Variants in BRCA2 observed in about 807,000 individuals in gnomAD.
BRCA2 encodes breast cancer type 2 susceptibility protein.
Under a neutral mutation model 276.7 loss-of-function variants are expected in BRCA2, and 203 were observed. The ratio of observed to expected loss-of-function variants is 0.73; its 90% CI spans 0.65 to 0.82. The LOEUF is 0.82. Among genes scored for constraint, BRCA2 ranks in the 40% least tolerant of loss-of-function variants. The pLI is 0.00. For synonymous variants in BRCA2, 1,289 were observed against 1,338.4 expected (o/e 0.96, Z 0.81); for missense variants, 3,920 against 3,915.0 (o/e 1.00, Z -0.03).
intron 14 of BRCA2, among the ~76,000 whole-genome samples, chr13:32,355,493 A>T (rs746081176): frequency 6.6e-6 from 1 of 152,212 alleles, no homozygotes; most frequent in Non-Finnish European, 1.5e-5. Context: ...TGTTAAAAAA[A>T]ATTAGACACA....
chr13:32,366,589 A>G (rs2072784000), intron 18 of BRCA2, among the ~76,000 whole-genome samples: 1 of 152,168 alleles, frequency 6.6e-6, no homozygotes, highest in South Asian at 2.1e-4. Context: ...TGAGAGGCCA[A>G]GGTGAATGGA....
chr13:32,386,100 A>AG (rs2072958238), intron 24 of BRCA2: 2 of 178,990 alleles, frequency 1.1e-5, no homozygotes, highest in South Asian at 2.7e-4. Context: ...TCTGTGGGAC[A>AG]GGGTCCTTAG....
chr13:32,377,026 G>C (rs2072878625), intron 21 of BRCA2, among the ~76,000 whole-genome samples: 1 of 152,078 alleles, frequency 6.6e-6, no homozygotes, highest in African/African-American at 2.4e-5. Flanking sequence ...AATTAAATTT[G>C]GTTTAAAATG....
chr13:32,380,220 G>A, intron 24 of BRCA2, 75 bp downstream of exon 24: 1 of 1,484,616 alleles, frequency 6.7e-7, no homozygotes, highest in Non-Finnish European at 9.1e-7. Flanking sequence ...CTTATGATTA[G>A]TTGGAGCTAC....
intron 3 of BRCA2, among the ~76,000 whole-genome samples, chr13:32,323,192 G>A (rs890392628): frequency 2.8e-5 from 4 of 141,840 alleles, no homozygotes; most frequent in South Asian, 2.2e-4. Context: ...TCGCTTTGTC[G>A]CCCAGGCTGG....
chr13:32,346,504 G>C (rs1462986440), intron 12 of BRCA2, among the ~76,000 whole-genome samples: 4 of 152,002 alleles, frequency 2.6e-5, no homozygotes, highest in Non-Finnish European at 5.9e-5. Context: ...CTAAAGCTTA[G>C]CTTTTAAACC....
rs751576331 is a variant in BRCA2, at chr13:32,356,433, A to G, written c.7441A>G (p.Ile2481Val). ...AAGTATTTATTCTTTGATAGATTTA[A>G]TTACAAGTCTTCAGAATGCCAGAGA... ...TKCEEEPLDL[I>V]TSLQNARDIQ... is the part of the protein sequence containing the mutation. The change falls in exon 15 of 27, where the codon ATT becomes GTT. Residue 2481 changes from isoleucine to valine, a missense_variant. By Grantham distance (29) the Ile-to-Val change is conservative. Coordinates refer to ENST00000380152, the MANE Select transcript of BRCA2 (RefSeq NM_000059.4). 1 of 1,613,176 alleles carries G rather than the reference A, an allele frequency of 6.2e-7. No homozygotes were observed. Among genetic ancestry groups the G allele is most frequent in the South Asian group, 1.1e-5 (1 of 91,070 alleles).
rs778282885 is a variant in BRCA2 at position 32,338,661 on chromosome 13, A to G, written c.4306A>G (p.Ile1436Val). 2 of 1,597,422 alleles carry G rather than the reference A, an allele frequency of 1.3e-6. No individual in the cohort carries two copies. The highest frequency in any genetic ancestry group is 1.1e-5 in the South Asian group (1 of 88,402). Residue 1436 changes from isoleucine to valine, a missense_variant, in exon 11 of 27, where the codon ATT (isoleucine) becomes GTT (valine). Ile to Val is a conservative substitution (Grantham distance 29). Transcript: ENST00000380152. ...TFFQTASGKN[I>V]SVAKESFNKI... is the part of the protein sequence containing the mutation. ...TTTTCAGACTGCAAGTGGGAAAAAT[A>G]TTAGTGTCGCCAAAGAGTCATTTAA...
chr13:32,370,998 GAA>G lies in BRCA2; in HGVS notation c.8532_8533del (p.Glu2846GlyfsTer22), dbSNP rs397507990. 1 of 1,614,110 alleles carries G rather than the reference GAA, an allele frequency of 6.2e-7. No individual in the cohort carries two copies. The highest frequency in any genetic ancestry group is 8.5e-7 in the Non-Finnish European group (1 of 1,180,004). On this transcript the variant is annotated frameshift_variant, in exon 20 of 27. Coordinates refer to ENST00000380152, the MANE Select transcript of BRCA2 (RefSeq NM_000059.4). LOFTEE classifies it high-confidence loss of function. ...ATCTGGATTATACATATTTCGCAAT[GAA>G]AGAGAGGAAGAAAAGGAAGCAGCAA... ...TSSGLYIFRNEREEEKEAAKY... is the reference protein window; with the variant it reads ...TSSGLYIFRNXREEEKEAAKY...
rs11571790 is a variant in BRCA2, at chr13:32,385,907, T to C, written c.9256+5762T>C. 1,107 of 160,766 alleles carry C rather than the reference T, an allele frequency of 6.9e-3. 14 individuals are homozygous for C. Among genetic ancestry groups the C allele is most frequent in the African/African-American group, 0.025 (1,052 of 41,680 alleles). 10.0% of individuals were successfully genotyped at this position (160,766 alleles called of 1,614,324 possible). ...AAAGCAATAAAAATAGAAAAAGGCA[T>C]AATTTTCAAGGGATAAAAGTGTCAA... On this transcript the variant is annotated intron_variant, in intron 24 of 26. Transcript: ENST00000380152.
rs80358568 is a variant in BRCA2 at position 32,325,082 on chromosome 13, A to G, written c.323A>G (p.Asn108Ser). 9 of 1,576,836 alleles carry G rather than the reference A, an allele frequency of 5.7e-6. No homozygotes were observed. In the East Asian group the frequency reaches 1.6e-4, roughly 27 times the overall value. ...LDKFKLDLGR[N>S]VPNSRHKSLR... is the part of the protein sequence containing the mutation. ...AATTATTGTACTGTTTCAGGAAGGA[A>G]TGTTCCCAATAGTAGACATAAAAGT... The change falls in exon 4 of 27, where the codon AAT becomes AGT. Residue 108 changes from asparagine to serine, a missense_variant. Around this residue, in one of 2 missense-constraint regions of BRCA2, gnomAD observed 3,263 missense variants for 3,156.9 expected, o/e 1.03. Coordinates refer to ENST00000380152, the MANE Select transcript of BRCA2 (RefSeq NM_000059.4).
At chr13:32,346,996 A>G (rs1194142808) in intron 13 of BRCA2, 100 bp downstream of exon 13, 1 of 837,220 alleles carries the variant, frequency 1.2e-6, no homozygotes, top group African/African-American at 1.7e-5. Flanking sequence ...AACGTTAAGA[A>G]GTTAACACTT....
Position 32,371,795 on chromosome 13 carries a change from C to T in BRCA2, c.8632+695C>T, listed in dbSNP as rs573014. ...AAATATTACAGTAGAGCAAATCACA[C>T]GAATATTTTGGTTTCCCAGAGCATA... On this transcript the variant is annotated intron_variant, in intron 20 of 26. Transcript: ENST00000380152. Among the ~76,000 whole-genome samples, 33,979 of 152,026 alleles carry T rather than the reference C, an allele frequency of 0.22. 4,257 individuals are homozygous for T. Among genetic ancestry groups the T allele is most frequent in the Middle Eastern group, 0.3 (87 of 292 alleles).
intron 16 of BRCA2, among the ~76,000 whole-genome samples, chr13:32,362,184 G>C (rs2072741443): frequency 6.6e-6 from 1 of 151,886 alleles, no homozygotes. Flanking sequence ...TACCACTCTT[G>C]GCTGATTTTT....
At chr13:32,355,504 CA>C (rs1260199356) in intron 14 of BRCA2, among the ~76,000 whole-genome samples, 1 of 152,150 alleles carries the variant, frequency 6.6e-6, no homozygotes, top group Non-Finnish European at 1.5e-5. Context: ...ATTAGACACA[CA>C]ATCTAGGACT....
At chr13:32,380,255 T>C (rs1047011534) in intron 24 of BRCA2, 110 bp downstream of exon 24, 26 of 1,090,920 alleles carry the variant, frequency 2.4e-5, no homozygotes, top group Non-Finnish European at 3.3e-5. Context: ...GCTAGCTAAC[T>C]AGTGATCTGA....
intron 24 of BRCA2, chr13:32,385,482 T>C (rs2072953000): frequency 4.6e-6 from 1 of 217,002 alleles, no homozygotes; most frequent in Admixed American, 4.5e-5. Context: ...TGGATGAAGC[T>C]CTTGAGCTCT....
At chr13:32,355,584 G>A (rs1048109391) in intron 14 of BRCA2, among the ~76,000 whole-genome samples, 1 of 152,050 alleles carries the variant, frequency 6.6e-6, no homozygotes, top group Admixed American at 6.6e-5. Context: ...AAATAGGGCC[G>A]GGCGTGGTGG....
rs1799954 is a variant in BRCA2 at position 32,340,455 on chromosome 13, C to T, written c.6100C>T (p.Arg2034Cys). The T allele has an allele frequency of 4.5e-3, 7,283 of 1,613,692 alleles. 22 individuals carry two copies. The highest frequency in any genetic ancestry group is 5.6e-3 in the Non-Finnish European group (6,564 of 1,179,742). ...QLTREENTAI[R>C]TPEHLISQKG... is the part of the protein sequence containing the mutation. ...CACAAGAGAAGAAAATACTGCTATA[C>T]GTACTCCAGAACATTTAATATCCCA... The change falls in exon 11 of 27, where the codon CGT (arginine) becomes TGT (cysteine). Residue 2034 changes from arginine (R) to cysteine (C), a missense_variant. Arg to Cys is a radical substitution (Grantham distance 180, BLOSUM62 -3). Around this residue, in one of 2 missense-constraint regions of BRCA2, gnomAD observed 3,263 missense variants for 3,156.9 expected, o/e 1.03. Transcript: ENST00000380152.
Sources: allele counts gnomAD v4.1 joint callset (sites outside exome capture counted in the v4.1 genomes callset), GRCh38; gene constraint gnomAD v4.1.1; regional missense constraint gnomAD v4.1.1; transcripts MANE v1.5; gene names NCBI Gene and HGNC (gene_info 2026-07-23, HGNC 2026-07-21).